SYT1: variants seen among roughly 807,000 people sequenced by gnomAD.
SYT1 encodes synaptotagmin-1.
In SYT1, 8 loss-of-function variants were observed where a neutral mutation model predicts 44.8. The observed-to-expected ratio is 0.18, with a 90% confidence interval of 0.10 to 0.32. The LOEUF is 0.32. Ranked by LOEUF, SYT1 falls within the 10% of genes least tolerant of loss-of-function variation. The probability of loss-of-function intolerance (pLI) is 1.00; values close to 1 mark genes in which losing one functional copy is unlikely to be tolerated. For missense variants in SYT1, 286 were observed against 509.3 expected (o/e 0.56, Z 4.22); for synonymous variants, 154 against 188.8 (o/e 0.82, Z 1.51).
At chr12:79,030,227 T>C (rs1872749571) in intron 2 of SYT1, among the ~76,000 whole-genome samples, 1 of 151,136 alleles carries the variant, frequency 6.6e-6, no homozygotes, top group Admixed American at 6.6e-5. Context: ...ACTGTTCTCA[T>C]GAGAAACCTG....
In SYT1 at chr12:79,437,273, G is replaced by T. The variant is rs530837539; in HGVS notation, c.929-6800G>T. Among the ~76,000 whole-genome samples the T allele has an allele frequency of 1.8e-4, 28 of 152,232 alleles. No individual in the cohort carries two copies. In the South Asian group the frequency reaches 5.6e-3, roughly 30 times the overall value. ...AATATAGCTTTAATAATTACATGAA[G>T]AATGCTTTGAAATTGAGGACATTAC... On this transcript the variant is annotated intron_variant, in intron 9 of 10. Transcript: ENST00000261205.
At chr12:79,204,125 T>C (rs920072178) in intron 3 of SYT1, among the ~76,000 whole-genome samples, 2 of 152,256 alleles carry the variant, frequency 1.3e-5, no homozygotes, top group South Asian at 2.1e-4. Flanking sequence ...AGAGACACTG[T>C]AATAATATTG....
intron 3 of SYT1, among the ~76,000 whole-genome samples, chr12:79,155,517 T>G (rs1055604905): frequency 6.6e-6 from 1 of 152,210 alleles, no homozygotes. Context: ...AAAACTTTCT[T>G]CTCATCTAGG....
chr12:78,971,855 A>C (rs563296712), intron 1 of SYT1, among the ~76,000 whole-genome samples: 2 of 152,268 alleles, frequency 1.3e-5, no homozygotes, highest in African/African-American at 4.8e-5. Context: ...GACTTTGGGC[A>C]AGTAAATTCA....
chr12:79,288,878 G>A (rs909414517), intron 5 of SYT1, among the ~76,000 whole-genome samples: 2 of 152,080 alleles, frequency 1.3e-5, no homozygotes, highest in African/African-American at 4.8e-5. Flanking sequence ...CCTAGTCAAC[G>A]CTCAGATACA....
chr12:79,037,043 A>G (rs910704414), intron 2 of SYT1, among the ~76,000 whole-genome samples: 1 of 151,822 alleles, frequency 6.6e-6, no homozygotes, highest in South Asian at 2.1e-4. Context: ...AACCTTATTA[A>G]TTGAACATTT....
intron 9 of SYT1, among the ~76,000 whole-genome samples, chr12:79,410,506 CAAAAAAA>C (rs5799432): frequency 2.6e-5 from 2 of 75,916 alleles, no homozygotes; most frequent in African/African-American, 1.1e-4. Flanking sequence ...TGTTCAAAGT[CAAAAAAA>C]AAAAAAAAAA....
At chr12:78,889,271 T>C (rs1874915502) in intron 1 of SYT1, among the ~76,000 whole-genome samples, 1 of 151,980 alleles carries the variant, frequency 6.6e-6, no homozygotes. Flanking sequence ...CATTTGCATA[T>C]GCATTTTTCT....
intron 1 of SYT1, among the ~76,000 whole-genome samples, chr12:78,897,618 C>T (rs1875434030): frequency 6.6e-6 from 1 of 151,972 alleles, no homozygotes. Context: ...CTGATATGCT[C>T]AATAATGCTA....
At chr12:78,968,579 A>C (rs1308314793) in intron 1 of SYT1, among the ~76,000 whole-genome samples, 2 of 152,158 alleles carry the variant, frequency 1.3e-5, no homozygotes, top group African/African-American at 4.8e-5. Context: ...CATATCTCTT[A>C]ATTTACTCTG....
Position 79,024,413 on chromosome 12 carries a change from A to T in SYT1, c.-83-22884A>T, listed in dbSNP as rs1480546176. ...CATTTATGTTAGCTGCTGTACTCTT[A>T]TCCAAATCCAGAATTTTGCTTGACA... On this transcript the variant is annotated intron_variant, in intron 2 of 10. Transcript: ENST00000261205. Among the ~76,000 whole-genome samples, 4 of 151,856 alleles carry T rather than the reference A, an allele frequency of 2.6e-5. No homozygotes were observed. In the East Asian group the frequency reaches 7.8e-4, roughly 29 times the overall value.
At chr12:78,957,290 A>G (rs113722857) in intron 1 of SYT1, among the ~76,000 whole-genome samples, 15 of 152,298 alleles carry the variant, frequency 9.8e-5, no homozygotes, top group African/African-American at 3.6e-4. Flanking sequence ...CAACATGGTG[A>G]GAGCCTGTCT....
At chr12:79,409,987 G>A (rs1240273237) in intron 9 of SYT1, among the ~76,000 whole-genome samples, 1 of 151,986 alleles carries the variant, frequency 6.6e-6, no homozygotes, top group Non-Finnish European at 1.5e-5. Flanking sequence ...GGGGTGGGAG[G>A]AATTAATGCT....
intron 3 of SYT1, among the ~76,000 whole-genome samples, chr12:79,156,445 T>A (rs56147269): frequency 0.066 from 8,972 of 136,510 alleles, 276 homozygotes; most frequent in African/African-American, 0.071. Flanking sequence ...GTTGCTGCTG[T>A]TGTTGTTGTT....
At chr12:78,972,174 T>C (rs1406713863) in intron 1 of SYT1, among the ~76,000 whole-genome samples, 1 of 152,072 alleles carries the variant, frequency 6.6e-6, no homozygotes, top group Non-Finnish European at 1.5e-5. Context: ...CTTTGACCTT[T>C]TAAACTAAGA....
At chr12:79,025,946 A>T (rs1274092814) in intron 2 of SYT1, among the ~76,000 whole-genome samples, 2 of 151,658 alleles carry the variant, frequency 1.3e-5, no homozygotes, top group Non-Finnish European at 3.0e-5. Context: ...AACTACTTTA[A>T]AGTGAATCTT....
chr12:78,976,095 T>C lies in SYT1; in HGVS notation c.-216-1704T>C, dbSNP rs188694417. ...GAGGACTGGAAGAATCTTTCCTCAC[T>C]AACTAGCATATCCCAAATTTACACC... On this transcript the variant is annotated intron_variant, in intron 1 of 10. Coordinates refer to ENST00000261205, the MANE Select transcript of SYT1 (RefSeq NM_005639.3). 4.6e-5 allele frequency among the ~76,000 whole-genome samples: 7 copies of C among 152,308 alleles called. No individual in the cohort carries two copies. In the East Asian group the frequency reaches 1.3e-3, roughly 29 times the overall value.
At chr12:78,880,450 A>T (rs1003147313) in intron 1 of SYT1, among the ~76,000 whole-genome samples, 1 of 151,558 alleles carries the variant, frequency 6.6e-6, no homozygotes, top group Non-Finnish European at 1.5e-5. Flanking sequence ...TTAAATAAAT[A>T]AATTTATTTA....
At chr12:79,200,040 A>G (rs1019113403) in intron 3 of SYT1, among the ~76,000 whole-genome samples, 1 of 152,094 alleles carries the variant, frequency 6.6e-6, no homozygotes, top group Admixed American at 6.6e-5. Flanking sequence ...CTTCCTGGTG[A>G]CATCTTAACC....
Sources: gnomAD v4.1 joint callset for allele counts (sites outside exome capture counted in the v4.1 genomes callset) on GRCh38, gnomAD v4.1.1 for gene constraint, MANE v1.5 for transcripts, NCBI Gene and HGNC (gene_info 2026-07-23, HGNC 2026-07-21) for gene names.